EPM2A: variants seen among roughly 807,000 people sequenced by gnomAD.
EPM2A encodes EPM2A glucan phosphatase, laforin, also known as laforin.
EPM2A carries 21 observed loss-of-function variants against 26.5 expected under a neutral mutation model. That is an observed-to-expected ratio of 0.79 (90% CI 0.56 to 1.14). The LOEUF (loss-of-function observed/expected upper bound fraction) is 1.14. EPM2A is among the 50% of genes most tolerant of loss of function. EPM2A has a pLI of 0.00. For missense variants in EPM2A, 458 were observed against 440.8 expected, an observed-to-expected ratio of 1.04 and a Z score of -0.35; for synonymous variants, 217 against 177.6, an observed-to-expected ratio of 1.22 and a Z score of -1.76.
At chr6:145,430,052 C>T (rs900716261) in intron 4 of EPM2A, among the ~76,000 whole-genome samples, 2 of 151,562 alleles carry the variant, frequency 1.3e-5, no homozygotes, top group Admixed American at 1.3e-4. Flanking sequence ...ATTAGCCCAG[C>T]ATGGTGGTGG....
chr6:145,463,508 AT>A (rs1562344807), intron 4 of EPM2A: 3 of 152,108 alleles, frequency 2.0e-5, no homozygotes, highest in South Asian at 4.2e-4. Context: ...TTTTAAACAC[AT>A]TTTTTTACCA....
intron 2 of EPM2A, among the ~76,000 whole-genome samples, chr6:145,652,887 A>G (rs149493946): frequency 2.0e-5 from 3 of 152,232 alleles, no homozygotes; most frequent in Non-Finnish European, 2.9e-5. Flanking sequence ...AGGAATCTAG[A>G]TGACCAGCCT....
intron 2 of EPM2A, among the ~76,000 whole-genome samples, chr6:145,561,142 A>G (rs1780798717): frequency 6.9e-6 from 1 of 144,428 alleles, no homozygotes; most frequent in Non-Finnish European, 1.5e-5. Context: ...ACCATTTTTT[A>G]TCTTTTATAC....
chr6:145,511,682 T>C (rs1270765839), intron 2 of EPM2A, among the ~76,000 whole-genome samples: 1 of 152,132 alleles, frequency 6.6e-6, no homozygotes, highest in Admixed American at 6.5e-5. Flanking sequence ...CTCCAGTTCT[T>C]GTCCCCTAAG....
At chr6:145,702,008 A>T (rs6901888) in intron 1 of EPM2A, among the ~76,000 whole-genome samples, 1 of 151,984 alleles carries the variant, frequency 6.6e-6, no homozygotes, top group African/African-American at 2.4e-5. Context: ...GAATCTTCTC[A>T]TTCTATTCCT....
intron 4 of EPM2A, among the ~76,000 whole-genome samples, chr6:145,450,951 T>A (rs1285178045): frequency 6.6e-6 from 1 of 152,102 alleles, no homozygotes; most frequent in Non-Finnish European, 1.5e-5. Flanking sequence ...CTTAGGAACA[T>A]CAATTTTACC....
chr6:145,556,017 A>G (rs777773404), intron 2 of EPM2A, among the ~76,000 whole-genome samples: 3 of 152,204 alleles, frequency 2.0e-5, no homozygotes, highest in Admixed American at 6.5e-5. Flanking sequence ...TTTTATGCAT[A>G]CATAATCTAT....
rs1019739707 is a variant in EPM2A at position 145,597,478 on chromosome 6, T to A, written c.340+37767A>T. ...TATGTGACCTGTTTATTTTTTTTTC[T>A]TTTTTTTGGTAAGTTTTACACTATC... On this transcript the variant is annotated intron_variant, in intron 2 of 3. Coordinates refer to the EPM2A transcript ENST00000450221. 4.3e-4 allele frequency among the ~76,000 whole-genome samples: 47 copies of A among 108,092 alleles called. 1 individual carries two copies. In the East Asian group the frequency reaches 0.011, roughly 25 times the overall value. The allele number at this position is 108,092 out of a possible 152,430, so 70.9% of individuals were successfully genotyped here.
chr6:145,423,117 TTTC>T (rs1487374246), intron 4 of EPM2A, among the ~76,000 whole-genome samples: 1 of 152,104 alleles, frequency 6.6e-6, no homozygotes, highest in Non-Finnish European at 1.5e-5. Context: ...ACCTTTCCTT[TTTC>T]TTATTTGTTC....
chr6:145,641,858 A>G (rs1045214189), intron 2 of EPM2A, among the ~76,000 whole-genome samples: 1 of 152,086 alleles, frequency 6.6e-6, no homozygotes, highest in African/African-American at 2.4e-5. Context: ...TGATCTAATG[A>G]TTTGGTACTG....
chr6:145,561,133 C>G (rs995680238), intron 2 of EPM2A, among the ~76,000 whole-genome samples: 2 of 149,652 alleles, frequency 1.3e-5, no homozygotes, highest in Non-Finnish European at 3.0e-5. Flanking sequence ...ACAGCTATAA[C>G]CATTTTTTAT....
intron 1 of EPM2A, among the ~76,000 whole-genome samples, chr6:145,725,649 G>A (rs892977796): frequency 2.0e-5 from 3 of 152,036 alleles, no homozygotes; most frequent in African/African-American, 7.2e-5. Flanking sequence ...ATTGTTAAGT[G>A]ACACAAGCCA....
Position 145,416,796 on chromosome 6 carries a change from T to C in EPM2A, c.556-32699A>G, listed in dbSNP as rs146829183. Among the ~76,000 whole-genome samples, 605 of 152,286 alleles carry C rather than the reference T, an allele frequency of 4.0e-3. 2 individuals are homozygous for C. Among genetic ancestry groups the C allele is most frequent in the African/African-American group, 0.014 (574 of 41,568 alleles). ...AAAATATTGATGATTTGTTACACAA[T>C]AGACAAACTGACAACATTTTGAGGG... On this transcript the variant is annotated intron_variant, in intron 4 of 4. Transcript: ENST00000638717.
chr6:145,727,016 T>A (rs1474538309), intron 1 of EPM2A, among the ~76,000 whole-genome samples: 2 of 152,128 alleles, frequency 1.3e-5, no homozygotes, highest in African/African-American at 4.8e-5. Flanking sequence ...TTTCTGTAAA[T>A]CTAAAATTAT....
chr6:145,585,152 T>C (rs1781175354), intron 2 of EPM2A, among the ~76,000 whole-genome samples: 1 of 152,206 alleles, frequency 6.6e-6, no homozygotes, highest in Non-Finnish European at 1.5e-5. Context: ...TTATCACTGA[T>C]TTCTTATTAT....
intron 2 of EPM2A, among the ~76,000 whole-genome samples, chr6:145,549,478 G>T (rs1780626072): frequency 1.3e-5 from 2 of 152,244 alleles, no homozygotes; most frequent in Non-Finnish European, 2.9e-5. Flanking sequence ...AATTGGAACA[G>T]AGTATTCATG....
chr6:145,604,558 T>G lies in EPM2A; in HGVS notation c.340+30687A>C, dbSNP rs1163775058. ...AGAAAAGTATCTTGAAATAGTCTAT[T>G]AACATGAAATAATGTTTTCCCCATA... On this transcript the variant is annotated intron_variant, in intron 2 of 3. Transcript: ENST00000450221. Among the ~76,000 whole-genome samples the G allele has an allele frequency of 2.0e-5, 3 of 152,124 alleles. No individual in the cohort carries two copies. The East Asian group carries it at 5.8e-4, about 29-fold the overall frequency.
intron 2 of EPM2A, among the ~76,000 whole-genome samples, chr6:145,561,917 G>A (rs1211964810): frequency 2.6e-5 from 4 of 152,014 alleles, no homozygotes; most frequent in African/African-American, 9.7e-5. Flanking sequence ...AGGGCAAGAG[G>A]AGGGAGAGCA....
At chr6:145,437,417 G>A (rs564893776) in intron 4 of EPM2A, among the ~76,000 whole-genome samples, 5 of 152,120 alleles carry the variant, frequency 3.3e-5, no homozygotes, top group South Asian at 4.2e-4. Flanking sequence ...AAGAACAGTC[G>A]AATACAGCAT....
Sources: allele counts gnomAD v4.1 joint callset (sites outside exome capture counted in the v4.1 genomes callset), GRCh38; gene constraint gnomAD v4.1.1; transcripts MANE v1.5; gene names NCBI Gene and HGNC (gene_info 2026-07-23, HGNC 2026-07-21).